The following SLC9A9 variants were observed in gnomAD, a reference collection of about 807,000 sequenced individuals.
The protein encoded by SLC9A9 is sodium/hydrogen exchanger 9.
Under a neutral mutation model 77.8 loss-of-function variants are expected in SLC9A9, and 62 were observed. The observed-to-expected ratio is 0.80, with a 90% confidence interval of 0.65 to 0.98. SLC9A9 has a LOEUF of 0.98. SLC9A9 is among the 50% of genes least tolerant of loss of function. The pLI is 0.00. For synonymous variants in SLC9A9, 320 were observed against 283.5 expected (o/e 1.13, Z -1.29); for missense variants, 775 against 774.9 (o/e 1.00, Z 0.00).
chr3:143,790,332 C>G (rs1003916934), intron 4 of SLC9A9, among the ~76,000 whole-genome samples: 1 of 152,192 alleles, frequency 6.6e-6, no homozygotes, highest in South Asian at 2.1e-4. Context: ...AAAATGGATT[C>G]GTACCATTCC....
intron 14 of SLC9A9, among the ~76,000 whole-genome samples, chr3:143,286,279 G>A (rs1429975072): frequency 6.6e-6 from 1 of 152,052 alleles, no homozygotes; most frequent in Non-Finnish European, 1.5e-5. Context: ...AAGGGGTGGG[G>A]GTCTCAATAA....
At position 143,761,139 on chromosome 3, in the gene SLC9A9, A is replaced by G. The variant is rs1400898443; in HGVS notation, c.533+33862T>C. On this transcript the variant is annotated intron_variant, in intron 4 of 15. Coordinates refer to ENST00000316549, the MANE Select transcript of SLC9A9 (RefSeq NM_173653.4). ...GGTGCTGGGAAAACTGGCTAGCCAT[A>G]TGTAGAAAGCTGAAACTGCATCCCT... Among the ~76,000 whole-genome samples the G allele has an allele frequency of 3.3e-5, 5 of 152,236 alleles. No homozygotes were observed. The East Asian group carries it at 9.6e-4, about 29-fold the overall frequency.
At chr3:143,642,732 C>A (rs369198487) in intron 6 of SLC9A9, among the ~76,000 whole-genome samples, 1 of 152,134 alleles carries the variant, frequency 6.6e-6, no homozygotes, top group Non-Finnish European at 1.5e-5. Flanking sequence ...TCTTAACTAG[C>A]CTTTCATATT....
chr3:143,425,489 A>T (rs972139268), intron 12 of SLC9A9, among the ~76,000 whole-genome samples: 1 of 152,212 alleles, frequency 6.6e-6, no homozygotes, highest in Admixed American at 6.5e-5. Flanking sequence ...CAATTAAAAC[A>T]ATGTACTGGC....
intron 4 of SLC9A9, among the ~76,000 whole-genome samples, chr3:143,764,305 C>G (rs140540996): frequency 8.9e-4 from 136 of 152,244 alleles, no homozygotes; most frequent in African/African-American, 3.1e-3. Context: ...GGTGAACATA[C>G]CCTATTTCTG....
At chr3:143,283,228 C>G (rs769027602) in intron 14 of SLC9A9, among the ~76,000 whole-genome samples, 7 of 152,106 alleles carry the variant, frequency 4.6e-5, no homozygotes, top group Non-Finnish European at 1.0e-4. Flanking sequence ...TTATTTTGGA[C>G]TTAGTTGATA....
In SLC9A9 at chr3:143,834,555, T is replaced by C. The variant is rs924983511; in HGVS notation, c.176-2334A>G. Among the ~76,000 whole-genome samples, 20 of 146,484 alleles carry C rather than the reference T, an allele frequency of 1.4e-4. No homozygotes were observed. The East Asian group carries it at 2.7e-3, about 19-fold the overall frequency. On this transcript the variant is annotated intron_variant, in intron 1 of 15. Transcript: ENST00000316549. ...CCATATTAATGTCATTTGTAATTCC[T>C]AGTGGGCGAGGCACTCTTTTTTTTT... is the stretch of plus-strand genomic sequence containing the variant.
intron 4 of SLC9A9, among the ~76,000 whole-genome samples, chr3:143,768,824 C>T (rs762388575): frequency 1.2e-4 from 18 of 152,170 alleles, no homozygotes; most frequent in Non-Finnish European, 2.5e-4. Context: ...AGATTAGACT[C>T]TTGCCACTGT....
intron 5 of SLC9A9, among the ~76,000 whole-genome samples, chr3:143,661,154 C>G (rs1033690073): frequency 3.4e-4 from 52 of 152,296 alleles, no homozygotes; most frequent in African/African-American, 1.2e-3. Context: ...ACAAACCAGG[C>G]AAGCCAAGTC....
intron 6 of SLC9A9, among the ~76,000 whole-genome samples, chr3:143,630,323 T>C (rs1301016725): frequency 1.3e-5 from 2 of 152,184 alleles, no homozygotes; most frequent in South Asian, 2.1e-4. Context: ...ACTTGTCTGA[T>C]TGATTGTGTC....
chr3:143,706,665 C>T (rs1390282299), intron 4 of SLC9A9, among the ~76,000 whole-genome samples: 2 of 152,146 alleles, frequency 1.3e-5, no homozygotes, highest in Non-Finnish European at 2.9e-5. Context: ...GGCCTTAATC[C>T]TCTCTCCTCT....
At chr3:143,282,815 C>G (rs988071686) in intron 14 of SLC9A9, among the ~76,000 whole-genome samples, 5 of 152,172 alleles carry the variant, frequency 3.3e-5, no homozygotes, top group Non-Finnish European at 5.9e-5. Context: ...TGAGATTAAA[C>G]ACCACTATTT....
chr3:143,652,132 T>G, intron 6 of SLC9A9, 123 bp downstream of exon 6: 1 of 778,782 alleles, frequency 1.3e-6, no homozygotes, highest in South Asian at 1.6e-5. Context: ...GGAAATTTTC[T>G]GTGATAACAA....
At chr3:143,762,863 A>G (rs756928200) in intron 4 of SLC9A9, among the ~76,000 whole-genome samples, 1 of 152,132 alleles carries the variant, frequency 6.6e-6, no homozygotes, top group Non-Finnish European at 1.5e-5. Flanking sequence ...GCTGACTTTT[A>G]CAGGTTTCAT....
At chr3:143,775,807 T>A (rs943639810) in intron 4 of SLC9A9, among the ~76,000 whole-genome samples, 6 of 152,244 alleles carry the variant, frequency 3.9e-5, no homozygotes, top group Non-Finnish European at 5.9e-5. Flanking sequence ...CACATCTGCT[T>A]ATTGGAACAG....
chr3:143,590,855 C>A (rs577841226), intron 6 of SLC9A9, among the ~76,000 whole-genome samples: 1 of 152,154 alleles, frequency 6.6e-6, no homozygotes, highest in Admixed American at 6.5e-5. Context: ...CACAGCTCAC[C>A]ACATGCTACA....
chr3:143,591,329 G>A (rs2037640514), intron 6 of SLC9A9, among the ~76,000 whole-genome samples: 1 of 152,192 alleles, frequency 6.6e-6, no homozygotes, highest in South Asian at 2.1e-4. Flanking sequence ...TTAAACTAAT[G>A]TATTTCACAA....
intron 13 of SLC9A9, among the ~76,000 whole-genome samples, chr3:143,380,786 C>T (rs2033284593): frequency 6.6e-6 from 1 of 152,216 alleles, no homozygotes; most frequent in Non-Finnish European, 1.5e-5. Flanking sequence ...CCAGCCTTTT[C>T]CACAGAGCAC....
At chr3:143,510,309 G>A (rs2036094932) in intron 9 of SLC9A9, among the ~76,000 whole-genome samples, 1 of 152,094 alleles carries the variant, frequency 6.6e-6, no homozygotes, top group Admixed American at 6.5e-5. Flanking sequence ...GGTGTACTTT[G>A]TGAAAGAAAG....
Sources: allele counts gnomAD v4.1 joint callset (sites outside exome capture counted in the v4.1 genomes callset), GRCh38; gene constraint gnomAD v4.1.1; transcripts MANE v1.5; gene names NCBI Gene and HGNC (gene_info 2026-07-23, HGNC 2026-07-21).